Variants in DAAM1 observed in about 807,000 individuals in gnomAD.
DAAM1 encodes the protein disheveled-associated activator of morphogenesis 1.
A neutral mutation model predicts 130.0 loss-of-function variants in DAAM1; 52 were observed. The observed-to-expected ratio is 0.40, with a 90% confidence interval of 0.32 to 0.50. The LOEUF (loss-of-function observed/expected upper bound fraction) is 0.50, where lower values mean the gene tolerates loss of function less well. Among genes scored for constraint, DAAM1 ranks in the 20% least tolerant of loss-of-function variants. The pLI is 0.61. For missense variants in DAAM1, 1,134 were observed against 1,303.8 expected (o/e 0.87, Z 2.01); for synonymous variants, 452 against 444.5 (o/e 1.02, Z -0.21).
At chr14:59,302,314 A>T (rs562557715) in intron 3 of DAAM1, among the ~76,000 whole-genome samples, 80 of 152,224 alleles carry the variant, frequency 5.3e-4, no homozygotes, top group Admixed American at 5.9e-4. Flanking sequence ...GTAATCCAAC[A>T]ATAACAAAAA....
intron 2 of DAAM1, among the ~76,000 whole-genome samples, chr14:59,282,562 ATCAGTGTCG>A (rs1054516916): frequency 6.6e-6 from 1 of 152,102 alleles, no homozygotes; most frequent in Non-Finnish European, 1.5e-5. Flanking sequence ...TGATGTTTGT[ATCAGTGTCG>A]TGATTTTGCC....
intron 24 of DAAM1, 101 bp from the exon 25 acceptor site, chr14:59,368,549 G>T: frequency 1.7e-6 from 2 of 1,187,866 alleles, no homozygotes; most frequent in Non-Finnish European, 1.2e-6. Context: ...AGCATAGCTT[G>T]GTGTCTGGAG....
intron 23 of DAAM1, among the ~76,000 whole-genome samples, chr14:59,364,552 C>A (rs1209534182): frequency 8.3e-6 from 1 of 120,202 alleles, no homozygotes; most frequent in Non-Finnish European, 1.9e-5. Flanking sequence ...TCTTCTCATT[C>A]TTTATAAATG....
At position 59,360,806 on chromosome 14, in the gene DAAM1, A is replaced by G. The variant is rs1198925390; in HGVS notation, c.2638A>G (p.Thr880Ala). ...DIPQAAKVNM[T>A]ELDKEISTLR... ...AAACATTGCTATTTACAACAGCATG[A>G]CTGAGCTGGACAAAGAAATAAGTAC... Residue 880 changes from threonine (T) to alanine (A), a missense_variant, in exon 22 of 25, where the codon ACT becomes GCT. Thr to Ala is a moderately conservative substitution (Grantham distance 58). Coordinates refer to ENST00000360909, the MANE Select transcript of DAAM1 (RefSeq NM_001270520.2). The G allele has an allele frequency of 6.2e-7, 1 of 1,613,744 alleles. No homozygotes were observed. The highest frequency in any genetic ancestry group is 2.2e-5 in the East Asian group (1 of 44,860).
chr14:59,233,401 T>G (rs773142212), intron 1 of DAAM1, among the ~76,000 whole-genome samples: 3 of 151,060 alleles, frequency 2.0e-5, no homozygotes, highest in Non-Finnish European at 3.0e-5. Flanking sequence ...GATGATGAGA[T>G]TTTTTTCCTA....
rs765138831 is a variant in DAAM1, at chr14:59,331,905, C to T, written c.1953C>T (p.Ala651=). The T allele has an allele frequency of 6.2e-7, 1 of 1,613,924 alleles. No homozygotes were observed. Among genetic ancestry groups the T allele is most frequent in the African/African-American group, 1.3e-5 (1 of 75,030 alleles). The change falls in exon 15 of 25, where the codon GCC becomes GCT. Residue 651 remains alanine, a synonymous_variant. Coordinates refer to ENST00000360909, the MANE Select transcript of DAAM1 (RefSeq NM_001270520.2). ...DLEDLERTFS[A]YQRQQKEADA... ...AAGACCTGGAAAGAACCTTCTCTGC[C>T]TATCAAAGACAGCAGGTAACAGCAT...
At chr14:59,249,395 A>G (rs996822201) in intron 1 of DAAM1, among the ~76,000 whole-genome samples, 18 of 152,184 alleles carry the variant, frequency 1.2e-4, no homozygotes, top group African/African-American at 4.3e-4. Context: ...AATAATGGCA[A>G]TTTTATTTCA....
chr14:59,289,063 G>T (rs1289876913), intron 2 of DAAM1, among the ~76,000 whole-genome samples: 1 of 152,046 alleles, frequency 6.6e-6, no homozygotes, highest in Admixed American at 6.6e-5. Context: ...CTACAGGCGT[G>T]TGCCACCACA....
chr14:59,364,852 A>G (rs1886852711), intron 23 of DAAM1, among the ~76,000 whole-genome samples: 1 of 151,246 alleles, frequency 6.6e-6, no homozygotes, highest in Non-Finnish European at 1.5e-5. Flanking sequence ...CAGAGGTCCA[A>G]CCTCTGATAT....
chr14:59,362,178 G>A (rs1886731159), intron 22 of DAAM1: 1 of 151,930 alleles, frequency 6.6e-6, no homozygotes, highest in Admixed American at 6.6e-5. Flanking sequence ...AGCAAGGCCT[G>A]GGGTGGAGGC....
intron 1 of DAAM1, among the ~76,000 whole-genome samples, chr14:59,214,858 T>G (rs1888530692): frequency 6.6e-6 from 1 of 152,250 alleles, no homozygotes; most frequent in Non-Finnish European, 1.5e-5. Context: ...AGTAAATACC[T>G]AAGTATGGAG....
At chr14:59,203,544 C>G (rs1250533581) in intron 1 of DAAM1, among the ~76,000 whole-genome samples, 1 of 151,964 alleles carries the variant, frequency 6.6e-6, no homozygotes, top group Non-Finnish European at 1.5e-5. Context: ...TCATTTTTTC[C>G]TCTAAATAAA....
At chr14:59,249,522 C>G (rs17095939) in intron 1 of DAAM1, among the ~76,000 whole-genome samples, 9,580 of 152,256 alleles carry the variant, frequency 0.063, 397 homozygotes, top group Non-Finnish European at 0.094. Context: ...TAGGTTGCAA[C>G]TAAGTAAACT....
intron 12 of DAAM1, 27 bp downstream of exon 12, chr14:59,327,018 C>T (rs976314206): frequency 6.2e-7 from 1 of 1,612,742 alleles, no homozygotes; most frequent in Non-Finnish European, 8.5e-7. Flanking sequence ...TGATAAGAGG[C>T]TGTGTTATTG....
In DAAM1 at chr14:59,250,691, A is replaced by G. The variant is rs1398966771; in HGVS notation, c.-37-12750A>G. Among the ~76,000 whole-genome samples the G allele has an allele frequency of 1.3e-5, 2 of 152,226 alleles. 1 individual carries two copies. The highest frequency in any genetic ancestry group is 4.1e-4 in the South Asian group (2 of 4,826). On this transcript the variant is annotated intron_variant, in intron 1 of 24. Coordinates refer to ENST00000360909, the MANE Select transcript of DAAM1 (RefSeq NM_001270520.2). ...ACAAACTTAGGTACATATGGAAATA[A>G]TAGTTAACATTTATTGAGCATCTTG...
At chr14:59,364,195 T>C (rs944253814) in intron 23 of DAAM1, among the ~76,000 whole-genome samples, 3 of 152,224 alleles carry the variant, frequency 2.0e-5, no homozygotes, top group Non-Finnish European at 2.9e-5. Context: ...ACTAAAGCCA[T>C]GTGCCTAAAT....
chr14:59,225,039 T>TG (rs1304291465), intron 1 of DAAM1, among the ~76,000 whole-genome samples: 4 of 144,274 alleles, frequency 2.8e-5, no homozygotes, highest in African/African-American at 1.0e-4. Flanking sequence ...TTTTTTTTTT[T>TG]TTTTTTTGAG....
In DAAM1 at chr14:59,367,303, T is replaced by G. The variant is rs529305058; in HGVS notation, c.2827-126T>G. On this transcript the variant is annotated intron_variant, in intron 23 of 24. Coordinates refer to ENST00000360909, the MANE Select transcript of DAAM1 (RefSeq NM_001270520.2). ...TCCATCTCCAAAAGAAAGAAAGAAA[T>G]AAAAATAAATGAGCAAACAAAACTT... is the stretch of plus-strand genomic sequence containing the variant. The G allele has an allele frequency of 1.2e-4, 164 of 1,414,624 alleles. 1 individual carries two copies. The highest frequency in any genetic ancestry group is 9.0e-4 in the African/African-American group (62 of 68,708). The allele number at this position is 1,414,624 out of a possible 1,614,324, so 87.6% of individuals were successfully genotyped here. A position where few individuals can be genotyped will look rare whatever the true frequency, so the allele number is the denominator to read the frequency against.
chr14:59,331,736 G>A, intron 14 of DAAM1, 77 bp from the exon 15 acceptor site: 2 of 1,518,034 alleles, frequency 1.3e-6, no homozygotes, highest in Non-Finnish European at 1.8e-6. Flanking sequence ...TGGGATAGAA[G>A]CACTTTTTAA....
Sources: allele counts gnomAD v4.1 joint callset (sites outside exome capture counted in the v4.1 genomes callset), GRCh38; gene constraint gnomAD v4.1.1; transcripts MANE v1.5; gene names NCBI Gene and HGNC (gene_info 2026-07-23, HGNC 2026-07-21).